TRAPPC2: variants seen among roughly 807,000 people sequenced by gnomAD.
TRAPPC2 encodes the protein trafficking protein particle complex subunit 2, also known as sedlin.
Under a neutral mutation model 10.0 loss-of-function variants are expected in TRAPPC2, and 4 were observed. The observed-to-expected ratio is 0.40, with a 90% confidence interval of 0.20 to 0.92. TRAPPC2 has a LOEUF of 0.92. TRAPPC2 is among the 40% of genes least tolerant of loss of function. The pLI, the probability that TRAPPC2 is intolerant of heterozygous loss-of-function variation, is 0.35. For missense variants in TRAPPC2, 52 were observed against 108.7 expected (o/e 0.48, Z 2.32); for synonymous variants, 36 against 37.3 (o/e 0.97, Z 0.12).
At chrX:13,719,846 C>T (rs1442753953) in intron 3 of TRAPPC2, 25 bp downstream of exon 3, 56 of 1,046,952 alleles carry the variant, frequency 5.3e-5, no homozygotes, top group Non-Finnish European at 7.1e-5. Context: ...CATATCATTA[C>T]AATAGCATAA....
chrX:13,716,727 G>A (rs766042726), intron 3 of TRAPPC2, 49 bp from the exon 4 acceptor site: 7 of 1,167,092 alleles, frequency 6.0e-6, no homozygotes, highest in East Asian at 6.0e-5. Flanking sequence ...ATATGGCATC[G>A]AGAATGCTGA....
intron 3 of TRAPPC2, among the ~76,000 whole-genome samples, chrX:13,717,183 C>T (rs2046314014): frequency 9.1e-6 from 1 of 110,382 alleles, no homozygotes; most frequent in Admixed American, 9.7e-5. Flanking sequence ...GTTGAAATGG[C>T]GCTTATAACG....
rs2046279152 is a variant in TRAPPC2 at position 13,716,012 on chromosome X, A to G, written c.316T>C (p.Tyr106His). 2 of 1,187,574 alleles carry G rather than the reference A, an allele frequency of 1.7e-6. No homozygotes were observed. Among genetic ancestry groups the G allele is most frequent in the Non-Finnish European group, 2.3e-6 (2 of 880,596 alleles). ...KNFFTDVYDL[Y>H]IKFSMNPFYE... ...TATAGAACATACCATACCTTTATATATAAATCATAAACATCAGTAAAGAAG... is the reference window on the plus strand; with the variant it reads ...TATAGAACATACCATACCTTTATATGTAAATCATAAACATCAGTAAAGAAG... Residue 106 changes from tyrosine (Y) to histidine (H), a missense_variant, in exon 5 of 6, where the codon TAT becomes CAT. By Grantham distance (83) the Tyr-to-His change is moderately conservative. Transcript: ENST00000380579.
Position 13,714,158 on chromosome X carries a change from A to AAC in TRAPPC2, c.*248_*249insGT. On this transcript the variant is annotated 3_prime_UTR_variant, in exon 6 of 6. Coordinates refer to ENST00000380579, the MANE Select transcript of TRAPPC2 (RefSeq NM_001011658.4). ...CTCTGTATCAGAAAAAAAAAAAAAA[A>AAC]AAAAACATGATTATTGATAATGAAC... 1 of 190,461 alleles carries AAC rather than the reference A, an allele frequency of 5.3e-6. No homozygotes were observed. The highest frequency in any genetic ancestry group is 3.0e-5 in the African/African-American group (1 of 33,835). 15.7% of individuals were successfully genotyped at this position (190,461 alleles called of 1,213,427 possible).
At chrX:13,723,039 G>A (rs113757818) in intron 2 of TRAPPC2, among the ~76,000 whole-genome samples, 2,251 of 103,491 alleles carry the variant, frequency 0.022, 72 homozygotes, top group African/African-American at 0.077. Flanking sequence ...AGCTTGCAGT[G>A]AGCCAAGATC....
At chrX:13,715,716 T>G (rs769019866) in intron 5 of TRAPPC2, 22 of 762,332 alleles carry the variant, frequency 2.9e-5, no homozygotes, top group Non-Finnish European at 3.2e-5. Context: ...CTTGCTGTCT[T>G]TAGGGATCCC....
In TRAPPC2 at chrX:13,714,105, T is replaced by C. The variant is rs771210112; in HGVS notation, c.*302A>G. 12 of 112,801 alleles carry C rather than the reference T, an allele frequency of 1.1e-4. No individual in the cohort carries two copies. The highest frequency in any genetic ancestry group is 2.3e-4 in the Admixed American group (2 of 8,709). 9.3% of individuals were successfully genotyped at this position (112,801 alleles called of 1,213,427 possible). On this transcript the variant is annotated 3_prime_UTR_variant, in exon 6 of 6. Transcript: ENST00000380579. ...TTGCAGTGAGCCAAGATTGCGCCAC[T>C]GCACTCCAGCCTGGCAACAGAGTGA...
intron 2 of TRAPPC2, chrX:13,722,215 A>AAAAAAAG (rs2046431057): frequency 2.6e-5 from 2 of 75,867 alleles, no homozygotes; most frequent in South Asian, 7.9e-4. Context: ...CAGCAAAAAA[A>AAAAAAAG]AAAAAAAAAA....
intron 2 of TRAPPC2, among the ~76,000 whole-genome samples, chrX:13,728,095 G>C (rs1022442857): frequency 9.0e-6 from 1 of 111,662 alleles, no homozygotes; most frequent in Non-Finnish European, 1.9e-5. Context: ...TTCTGAAATC[G>C]AGGCAATAAT....
intron 1 of TRAPPC2, 141 bp from the exon 2 acceptor site, chrX:13,734,326 G>A: frequency 3.0e-6 from 1 of 338,608 alleles, no homozygotes; most frequent in Non-Finnish European, 5.2e-6. Flanking sequence ...AGTGAACCGC[G>A]AAACCACAGC....
intron 2 of TRAPPC2, among the ~76,000 whole-genome samples, chrX:13,728,597 A>G (rs1222427908): frequency 1.8e-5 from 2 of 112,241 alleles, no homozygotes; most frequent in Non-Finnish European, 3.8e-5. Flanking sequence ...GATAGAACAT[A>G]TCTCAAAATA....
At chrX:13,721,889 G>C (rs1429553110) in intron 2 of TRAPPC2, 1 of 110,748 alleles carries the variant, frequency 9.0e-6, no homozygotes, top group East Asian at 2.8e-4. Context: ...AAGCACCTGT[G>C]ACACAGACCA....
intron 2 of TRAPPC2, among the ~76,000 whole-genome samples, chrX:13,723,677 T>C (rs1160300977): frequency 9.0e-6 from 1 of 111,306 alleles, no homozygotes. Context: ...AAGAGAGGCT[T>C]GGCCCAGAGG....
chrX:13,728,010 T>C (rs1453225203), intron 2 of TRAPPC2, among the ~76,000 whole-genome samples: 1 of 111,935 alleles, frequency 8.9e-6, no homozygotes, highest in Non-Finnish European at 1.9e-5. Context: ...AAGAAATGGA[T>C]AAATTCCTGG....
intron 2 of TRAPPC2, among the ~76,000 whole-genome samples, chrX:13,724,303 C>A (rs1389294266): frequency 1.9e-5 from 2 of 107,011 alleles, no homozygotes; most frequent in Non-Finnish European, 1.9e-5. Flanking sequence ...AAGTAGGACA[C>A]TAACTAGTAA....
intron 2 of TRAPPC2, among the ~76,000 whole-genome samples, chrX:13,732,942 G>A (rs1286140962): frequency 8.9e-6 from 1 of 112,433 alleles, no homozygotes. Context: ...GTATGGCATG[G>A]GACATGTCTA....
At position 13,714,158 on chromosome X, in the gene TRAPPC2, A is replaced by C. The variant is rs763417134; in HGVS notation, c.*249T>G. On this transcript the variant is annotated 3_prime_UTR_variant, in exon 6 of 6. Transcript: ENST00000380579. ...CTCTGTATCAGAAAAAAAAAAAAAA[A>C]AAAAACATGATTATTGATAATGAAC... is the stretch of plus-strand genomic sequence containing the variant. The C allele has an allele frequency of 3.9e-3, 741 of 188,569 alleles. 5 individuals carry two copies. The highest frequency in any genetic ancestry group is 0.021 in the African/African-American group (701 of 33,220). The allele number at this position is 188,569 out of a possible 1,213,427, so 15.5% of individuals were successfully genotyped here.
At chrX:13,719,244 G>A (rs1185514552) in intron 3 of TRAPPC2, among the ~76,000 whole-genome samples, 1 of 58,886 alleles carries the variant, frequency 1.7e-5, no homozygotes, top group East Asian at 5.2e-4. Flanking sequence ...CCATTTCCTT[G>A]TCTCAAAAAA....
rs1447316920 is a variant in TRAPPC2, at chrX:13,715,211, GC to G, written c.325-707del. 8.8e-5 allele frequency among the ~76,000 whole-genome samples: 10 copies of G among 113,054 alleles called. No homozygotes were observed. The East Asian group carries it at 2.5e-3, about 28-fold the overall frequency. ...ATATGGGCCAGGCATGGTGGCTCAC[GC>G]CTGTAATCCCAGCACTTTGGGAGGC... On this transcript the variant is annotated intron_variant, in intron 5 of 5. Coordinates refer to ENST00000380579, the MANE Select transcript of TRAPPC2 (RefSeq NM_001011658.4).
Sources: gnomAD v4.1 joint callset for allele counts (sites outside exome capture counted in the v4.1 genomes callset) on GRCh38, gnomAD v4.1.1 for gene constraint, MANE v1.5 for transcripts, NCBI Gene and HGNC (gene_info 2026-07-23, HGNC 2026-07-21) for gene names.